The following FERMT2 variants were observed in gnomAD, a reference collection of about 807,000 sequenced individuals.
FERMT2 encodes the protein FERM domain containing kindlin 2.
A neutral mutation model predicts 82.7 loss-of-function variants in FERMT2; 15 were observed. The observed-to-expected ratio is 0.18, with a 90% CI of 0.12 to 0.28. The LOEUF is 0.28. Among genes scored for constraint, FERMT2 ranks in the 10% least tolerant of loss-of-function variants. The probability of loss-of-function intolerance (pLI) is 1.00; values close to 1 mark genes in which losing one functional copy is unlikely to be tolerated. For synonymous variants in FERMT2, 274 were observed against 271.5 expected, an observed-to-expected ratio of 1.01 and a Z score of -0.09; for missense variants, 645 against 809.4, an observed-to-expected ratio of 0.80 and a Z score of 2.46.
In FERMT2 at chr14:52,859,718, T is replaced by A. The variant is rs373085863; in HGVS notation, c.1728-4A>T. On this transcript the variant is annotated splice_region_variant and splice_polypyrimidine_tract_variant and intron_variant, in intron 13 of 14. Coordinates refer to ENST00000341590, the MANE Select transcript of FERMT2 (RefSeq NM_006832.3). ...TTCTTTTTTGCCCCCTTGGAACCTA[T>A]AACATTTAAGAAAAGAACGGTTAAA... is the stretch of plus-strand genomic sequence containing the variant. 9.6e-6 allele frequency: 15 copies of A among 1,559,792 alleles called. No homozygotes were observed. Among genetic ancestry groups the A allele is most frequent in the Non-Finnish European group, 1.1e-5 (13 of 1,150,272 alleles).
intron 4 of FERMT2, chr14:52,881,698 C>A: frequency 2.6e-6 from 3 of 1,149,422 alleles, no homozygotes; most frequent in Non-Finnish European, 3.5e-6. Context: ...GGCAGAAATT[C>A]TGGGGAAAAA....
intron 2 of FERMT2, among the ~76,000 whole-genome samples, chr14:52,934,963 T>G (rs1198172963): frequency 6.6e-6 from 1 of 152,248 alleles, no homozygotes; most frequent in African/African-American, 2.4e-5. Context: ...TGTCACTGAC[T>G]GTGATGAGCT....
At chr14:52,909,204 A>T (rs1280682342) in intron 3 of FERMT2, among the ~76,000 whole-genome samples, 2 of 152,192 alleles carry the variant, frequency 1.3e-5, no homozygotes, top group Non-Finnish European at 2.9e-5. Context: ...TAAAATGCTC[A>T]TTGGAGCATT....
chr14:52,901,525 G>A (rs1356177309), intron 3 of FERMT2, among the ~76,000 whole-genome samples: 2 of 152,106 alleles, frequency 1.3e-5, no homozygotes, highest in African/African-American at 4.8e-5. Context: ...GTAATCACAT[G>A]AGGCCTCCAG....
intron 2 of FERMT2, among the ~76,000 whole-genome samples, chr14:52,948,151 T>C (rs752842032): frequency 6.6e-6 from 1 of 152,198 alleles, no homozygotes; most frequent in Non-Finnish European, 1.5e-5. Context: ...CCACCTTTTA[T>C]CTAGACTCTG....
chr14:52,940,627 C>A (rs1890048119), intron 2 of FERMT2, among the ~76,000 whole-genome samples: 1 of 152,096 alleles, frequency 6.6e-6, no homozygotes, highest in African/African-American at 2.4e-5. Context: ...TCAAAGAATC[C>A]TAATACATTA....
At chr14:52,902,888 A>AAC (rs1887749797) in intron 3 of FERMT2, among the ~76,000 whole-genome samples, 1 of 139,788 alleles carries the variant, frequency 7.2e-6, no homozygotes, top group Non-Finnish European at 1.5e-5. Flanking sequence ...AAAAAAAAAA[A>AAC]AAACCCCAAA....
intron 4 of FERMT2, among the ~76,000 whole-genome samples, chr14:52,889,847 A>G (rs1886829781): frequency 6.6e-6 from 1 of 152,182 alleles, no homozygotes; most frequent in Non-Finnish European, 1.5e-5. Flanking sequence ...GTGAAAATAC[A>G]GGGCCAGGTG....
intron 7 of FERMT2, among the ~76,000 whole-genome samples, chr14:52,875,670 T>C (rs1594938653): frequency 6.6e-6 from 1 of 152,094 alleles, no homozygotes; most frequent in East Asian, 1.9e-4. Context: ...TTTTTTTTTT[T>C]CATTGTAATC....
At chr14:52,883,603 G>C (rs994866844) in intron 4 of FERMT2, among the ~76,000 whole-genome samples, 1 of 152,176 alleles carries the variant, frequency 6.6e-6, no homozygotes, top group Non-Finnish European at 1.5e-5. Flanking sequence ...TGGACAATTT[G>C]CTTTATAAAG....
chr14:52,919,191 T>C lies in FERMT2; in HGVS notation c.323A>G (p.Tyr108Cys). Residue 108 changes from tyrosine (Y) to cysteine (C), a missense_variant, in exon 3 of 15, where the codon TAT becomes TGT. Coordinates refer to ENST00000341590, the MANE Select transcript of FERMT2 (RefSeq NM_006832.3). ...AGAGAAATTCACTTTCACCTTCACA[T>C]ACTTCATGTTGGGAAGCTGCAGGCG... ...LLRLQLPNMKYVKVKVNFSDR... is the reference protein window; with the variant it reads ...LLRLQLPNMKCVKVKVNFSDR... The C allele has an allele frequency of 6.2e-7, 1 of 1,614,090 alleles. No individual in the cohort carries two copies. Among genetic ancestry groups the C allele is most frequent in the Non-Finnish European group, 8.5e-7 (1 of 1,179,996 alleles).
intron 2 of FERMT2, among the ~76,000 whole-genome samples, chr14:52,941,901 T>A (rs935045733): frequency 6.6e-6 from 1 of 152,340 alleles, no homozygotes; most frequent in South Asian, 2.1e-4. Context: ...ATTGGTCCCC[T>A]GCATTTCAGA....
intron 10 of FERMT2, chr14:52,871,426 T>C (rs1214462276): frequency 6.6e-6 from 1 of 151,976 alleles, no homozygotes; most frequent in Non-Finnish European, 1.5e-5. Flanking sequence ...TCTGGAGAAG[T>C]GGTATCTACA....
intron 10 of FERMT2, among the ~76,000 whole-genome samples, chr14:52,865,394 T>C (rs1486897592): frequency 1.3e-5 from 2 of 152,196 alleles, no homozygotes; most frequent in African/African-American, 2.4e-5. Flanking sequence ...GATAATGGCA[T>C]AACAGCTGGC....
chr14:52,893,250 C>T, intron 4 of FERMT2, 43 bp downstream of exon 4: 1 of 1,551,270 alleles, frequency 6.4e-7, no homozygotes, highest in Non-Finnish European at 8.7e-7. Flanking sequence ...GGTACACAGT[C>T]CACAGTTCTT....
chr14:52,898,923 G>A (rs1419209732), intron 3 of FERMT2, among the ~76,000 whole-genome samples: 3 of 152,150 alleles, frequency 2.0e-5, no homozygotes, highest in South Asian at 4.1e-4. Context: ...ATTACATTTC[G>A]AAAAGTTCTC....
intron 3 of FERMT2, among the ~76,000 whole-genome samples, chr14:52,916,727 T>C (rs1888635521): frequency 3.9e-5 from 6 of 152,184 alleles, no homozygotes; most frequent in Admixed American, 3.3e-4. Context: ...CCAGTTACAA[T>C]AAATGTACCA....
intron 2 of FERMT2, among the ~76,000 whole-genome samples, chr14:52,920,436 G>C (rs542364755): frequency 5.7e-4 from 86 of 152,080 alleles, no homozygotes; most frequent in African/African-American, 2.0e-3. Context: ...TTCGAGACCA[G>C]GCAAGGCAAC....
chr14:52,870,079 T>C (rs2140083108), intron 10 of FERMT2, among the ~76,000 whole-genome samples: 1 of 152,332 alleles, frequency 6.6e-6, no homozygotes, highest in East Asian at 1.9e-4. Context: ...TTAAAAGTAG[T>C]TATAAAGTTA....
Sources: gnomAD v4.1 joint callset for allele counts (sites outside exome capture counted in the v4.1 genomes callset) on GRCh38, gnomAD v4.1.1 for gene constraint, MANE v1.5 for transcripts, NCBI Gene and HGNC (gene_info 2026-07-23, HGNC 2026-07-21) for gene names.